The following SF3B2 variants were observed in gnomAD, a reference collection of about 807,000 sequenced individuals.
The protein encoded by SF3B2 is SAP 145.
Under a neutral mutation model 116.3 loss-of-function variants are expected in SF3B2, and 22 were observed. The observed-to-expected ratio is 0.19, with a 90% CI of 0.14 to 0.27. The LOEUF is 0.27. SF3B2 is among the 10% of genes least tolerant of loss of function. The pLI, the probability that SF3B2 is intolerant of heterozygous loss-of-function variation, is 1.00. For missense variants in SF3B2, 767 were observed against 1,151.4 expected, an observed-to-expected ratio of 0.67 and a Z score of 4.83; for synonymous variants, 406 against 421.6, an observed-to-expected ratio of 0.96 and a Z score of 0.45.
chr11:66,053,392 C>G (rs565326185), intron 3 of SF3B2: 1 of 445,892 alleles, frequency 2.2e-6, no homozygotes, highest in Non-Finnish European at 4.1e-6. Flanking sequence ...CCAAAAGCAG[C>G]TTGTGGCCGG....
intron 9 of SF3B2, 69 bp downstream of exon 9, chr11:66,058,474 T>C (rs1276410395): frequency 1.6e-6 from 2 of 1,245,690 alleles, no homozygotes; most frequent in Admixed American, 3.5e-5. Context: ...TAACACAATT[T>C]GTAAGTGTTC....
At chr11:66,067,600 T>TTGTCGCCTGCTCTATCTTGCCAGCTTC in intron 19 of SF3B2, 2 of 470,694 alleles carry the variant, frequency 4.2e-6, no homozygotes, top group East Asian at 6.3e-5. Flanking sequence ...GTGGGAACTG[T>TTGTCGCCTGCTCTATCTTGCCAGCTTC]TGTCGCCTGC....
At chr11:66,060,797 T>C in intron 14 of SF3B2, 66 bp downstream of exon 14, 1 of 1,486,264 alleles carries the variant, frequency 6.7e-7, no homozygotes, top group South Asian at 1.2e-5. Context: ...GGCTTTTTTT[T>C]GTTTGTTTGT....
At chr11:66,058,520 C>A in intron 9 of SF3B2, 115 bp downstream of exon 9, 1 of 769,634 alleles carries the variant, frequency 1.3e-6, no homozygotes, top group Non-Finnish European at 2.1e-6. Flanking sequence ...CCAATTTCCG[C>A]CCTCAGCATC....
intron 3 of SF3B2, chr11:66,053,501 A>G: frequency 4.5e-6 from 1 of 221,692 alleles, no homozygotes. Flanking sequence ...CAACATAGTG[A>G]GACTCTGTTA....
rs1316549521 is a variant in SF3B2, at chr11:66,056,842, C to G, written c.554C>G (p.Ala185Gly). Reference protein sequence around the residue: ...HELLEQQKRAAVLLEQERQQE... With the variant: ...HELLEQQKRAGVLLEQERQQE... Reference sequence around the variant, plus strand: ...ACTCCCACTTCCCTCCCGTAGGCAGCTGTGTTACTGGAGCAGGAACGACAG... The same window carrying G: ...ACTCCCACTTCCCTCCCGTAGGCAGGTGTGTTACTGGAGCAGGAACGACAG... The change falls in exon 6 of 22, where the codon GCT (alanine) becomes GGT (glycine). Residue 185 changes from alanine (A) to glycine (G), a missense_variant. This residue lies in a region of SF3B2 where 455 missense variants were observed against 537.5 expected (regional missense o/e 0.85). Transcript: ENST00000322535. 8 of 1,613,126 alleles carry G rather than the reference C, an allele frequency of 5.0e-6. No individual in the cohort carries two copies. In the Admixed American group the frequency reaches 1.3e-4, roughly 27 times the overall value.
At chr11:66,062,419 T>C (rs924718661) in intron 16 of SF3B2, among the ~76,000 whole-genome samples, 11 of 151,766 alleles carry the variant, frequency 7.2e-5, no homozygotes, top group African/African-American at 2.2e-4. Flanking sequence ...GGAGGATCCC[T>C]TGGGGCCAGG....
intron 5 of SF3B2, among the ~76,000 whole-genome samples, chr11:66,056,399 CAAAAAAAA>C (rs34575917): frequency 1.9e-5 from 1 of 52,178 alleles, no homozygotes; most frequent in South Asian, 8.5e-4. Flanking sequence ...GACTCTGTCT[CAAAAAAAA>C]AAAAAAAAAA....
At chr11:66,057,486 G>C (rs1024243776) in intron 7 of SF3B2, 111 bp downstream of exon 7, 1 of 659,720 alleles carries the variant, frequency 1.5e-6, no homozygotes, top group African/African-American at 1.8e-5. Flanking sequence ...TTAAATTCCT[G>C]GGGGTAGTGG....
In SF3B2 at chr11:66,069,028, A is replaced by G; in HGVS notation, c.*283A>G. On this transcript the variant is annotated 3_prime_UTR_variant, in exon 22 of 22. Transcript: ENST00000322535. Reference sequence around the variant, plus strand: ...AACATAAACTGGGATTAGACGGCGCATTTGACTGGTGGTGACGCCAACCCC... The same window carrying G: ...AACATAAACTGGGATTAGACGGCGCGTTTGACTGGTGGTGACGCCAACCCC... The G allele has an allele frequency of 2.3e-6, 1 of 437,692 alleles. No individual in the cohort carries two copies. The highest frequency in any genetic ancestry group is 4.3e-6 in the Non-Finnish European group (1 of 234,608). The allele number at this position is 437,692 out of a possible 1,614,324, so 27.1% of individuals were successfully genotyped here. A position where few individuals can be genotyped will look rare whatever the true frequency, so the allele number is the denominator to read the frequency against.
chr11:66,067,226 G>C (rs1857203821), intron 19 of SF3B2: 1 of 352,396 alleles, frequency 2.8e-6, no homozygotes, highest in Non-Finnish European at 5.6e-6. Context: ...ACTGTGGACA[G>C]AGTATAGTGA....
Position 66,060,568 on chromosome 11 carries a change from G to A in SF3B2, c.1630-14G>A, listed in dbSNP as rs1411634310. On this transcript the variant is annotated splice_polypyrimidine_tract_variant and intron_variant, in intron 13 of 21. Transcript: ENST00000322535. Reference sequence around the variant, plus strand: ...GAGTACTTGTTAAGGCTTGTTTGCTGCCATTCTCCACAGGAAGAACAGAAG... The same window carrying A: ...GAGTACTTGTTAAGGCTTGTTTGCTACCATTCTCCACAGGAAGAACAGAAG... The A allele has an allele frequency of 6.2e-7, 1 of 1,613,928 alleles. No homozygotes were observed. The highest frequency in any genetic ancestry group is 1.3e-5 in the African/African-American group (1 of 74,920).
Position 66,056,890 on chromosome 11 carries a change from C to A in SF3B2, c.602C>A (p.Thr201Asn). 6.2e-7 allele frequency: 1 copy of A among 1,614,098 alleles called. No homozygotes were observed. The highest frequency in any genetic ancestry group is 8.5e-7 in the Non-Finnish European group (1 of 1,180,006). ...ERQQEIAKMG[T>N]PVPRPPQDMG... ...CAGCAGGAGATTGCCAAGATGGGCA[C>A]CCCAGTCCCTCGGCCCCCACAAGAC... Residue 201 changes from threonine (T) to asparagine (N), a missense_variant, in exon 6 of 22, where the codon ACC (threonine) becomes AAC (asparagine). By Grantham distance (65) the Thr-to-Asn change is moderately conservative. Around this residue, in one of 4 missense-constraint regions of SF3B2, gnomAD observed 455 missense variants for 537.5 expected, o/e 0.85. Coordinates refer to ENST00000322535, the MANE Select transcript of SF3B2 (RefSeq NM_006842.3).
chr11:66,061,305 C>A (rs534469422), intron 14 of SF3B2, among the ~76,000 whole-genome samples: 128 of 152,258 alleles, frequency 8.4e-4, no homozygotes, highest in African/African-American at 2.3e-3. Context: ...GGCCAAGGGG[C>A]AGATGCTTTT....
chr11:66,058,056 G>C lies in SF3B2; in HGVS notation c.780G>C (p.Met260Ile), dbSNP rs936701592. 1.2e-6 allele frequency: 2 copies of C among 1,605,262 alleles called. No individual in the cohort carries two copies. Among genetic ancestry groups the C allele is most frequent in the Admixed American group, 3.5e-5 (2 of 57,870 alleles). Reference protein sequence around the residue: ...PPPPGDENREMDDPSVGPKIP... With the variant: ...PPPPGDENREIDDPSVGPKIP... ...CTCTGACTGGGTGTCTCTGGCAGAT[G>C]GATGACCCCTCTGTGGGCCCCAAGA... Residue 260 changes from methionine to isoleucine, a missense_variant and splice_region_variant, in exon 8 of 22, where the codon ATG becomes ATC. Transcript: ENST00000322535.
chr11:66,054,499 C>G (rs1012112598), intron 3 of SF3B2, among the ~76,000 whole-genome samples: 1 of 149,776 alleles, frequency 6.7e-6, no homozygotes. Context: ...AAAAATACAG[C>G]TTGAATACAA....
intron 14 of SF3B2, 50 bp from the exon 15 acceptor site, chr11:66,061,636 C>T (rs1156742836): frequency 7.3e-7 from 1 of 1,365,636 alleles, no homozygotes; most frequent in Non-Finnish European, 1.0e-6. Context: ...GGATTGTGCT[C>T]CCACTGAGTG....
Position 66,068,096 on chromosome 11 carries a change from C to T in SF3B2, c.2430+51C>T, listed in dbSNP as rs547293437. 6.2e-7 allele frequency: 1 copy of T among 1,612,622 alleles called. No homozygotes were observed. The highest frequency in any genetic ancestry group is 2.2e-5 in the East Asian group (1 of 44,872). ...TGGAGGCTGAGAAAGGCAGCAGAAG[C>T]TAGGGCTTCTCTGACTCTTTGGAGA... On this transcript the variant is annotated intron_variant, in intron 20 of 21. Transcript: ENST00000322535.
chr11:66,052,690 G>A lies in SF3B2; in HGVS notation c.151G>A (p.Val51Met), dbSNP rs777083462. The change falls in exon 2 of 22, where the codon GTG becomes ATG. Residue 51 changes from valine (V) to methionine (M), a missense_variant. By Grantham distance (21) the Val-to-Met change is conservative (BLOSUM62 1). This residue lies in a region of SF3B2 where 455 missense variants were observed against 537.5 expected (regional missense o/e 0.85). Coordinates refer to ENST00000322535, the MANE Select transcript of SF3B2 (RefSeq NM_006842.3). ...CCCTGCAGGTAATCGCGAGGAGCTG[G>A]TGGAGCGGCTGCAGAGCTACACCCG... ...APIQGNREEL[V>M]ERLQSYTRQT... 5.7e-6 allele frequency: 9 copies of A among 1,591,336 alleles called. No individual in the cohort carries two copies. In the South Asian group the frequency reaches 8.0e-5, roughly 14 times the overall value.
Sources: allele counts gnomAD v4.1 joint callset (sites outside exome capture counted in the v4.1 genomes callset), GRCh38; gene constraint gnomAD v4.1.1; regional missense constraint gnomAD v4.1.1; transcripts MANE v1.5; gene names NCBI Gene and HGNC (gene_info 2026-07-23, HGNC 2026-07-21).